AGMO: variants seen among roughly 807,000 people sequenced by gnomAD.
The protein encoded by AGMO is glyceryl-ether monooxygenase.
In AGMO, 75 loss-of-function variants were observed where a neutral mutation model predicts 60.2. The observed-to-expected ratio is 1.25, with a 90% CI of 1.03 to 1.51. AGMO has a LOEUF of 1.51. Among genes scored for constraint, AGMO ranks in the 40% most tolerant of loss-of-function variants. AGMO has a pLI of 0.00. For synonymous variants in AGMO, 261 were observed against 177.1 expected (o/e 1.47, Z -3.76); for missense variants, 763 against 525.5 (o/e 1.45, Z -4.42).
the AGMO span, among the ~76,000 whole-genome samples, chr7:15,159,855 A>AT: frequency 2.0e-5 from 3 of 152,160 alleles, no homozygotes; most frequent in Admixed American, 1.3e-4. Context: ...GGTCCTGCAT[A>AT]TTGTGTGGTC....
intron 12 of AGMO, among the ~76,000 whole-genome samples, chr7:15,287,504 T>G (rs1784132149): frequency 6.6e-6 from 1 of 152,212 alleles, no homozygotes; most frequent in African/African-American, 2.4e-5. Context: ...TGTTCTATTC[T>G]GAACAAAAGG....
In AGMO at chr7:15,546,303, C is replaced by T. The variant is rs570381408; in HGVS notation, c.258-1380G>A. ...CACAATTTTGAACAGGAGTACACAT[C>T]ACCACACATTAAAAAACTCAATCTC... On this transcript the variant is annotated intron_variant, in intron 2 of 12. Transcript: ENST00000342526. Among the ~76,000 whole-genome samples the T allele has an allele frequency of 3.2e-4, 49 of 152,236 alleles. No individual in the cohort carries two copies. The South Asian group carries it at 3.7e-3, about 12-fold the overall frequency.
At chr7:15,174,439 G>C in the AGMO span, among the ~76,000 whole-genome samples, 6 of 152,012 alleles carry the variant, frequency 3.9e-5, no homozygotes, top group South Asian at 1.2e-3. Flanking sequence ...TTTTAAGAAA[G>C]ATACTTTTCT....
intron 3 of AGMO, among the ~76,000 whole-genome samples, chr7:15,511,138 C>T (rs1168504294): frequency 1.3e-5 from 2 of 152,008 alleles, no homozygotes; most frequent in Non-Finnish European, 2.9e-5. Flanking sequence ...GTGGTTGGAG[C>T]TCATCCTGGC....
Position 15,354,314 on chromosome 7 carries a change from G to GTGTATACACA in AGMO, c.1263+11199_1263+11200insTGTGTATACA, listed in dbSNP as rs551527948. 2.5e-4 allele frequency among the ~76,000 whole-genome samples: 16 copies of GTGTATACACA among 64,768 alleles called. No homozygotes were observed. The South Asian group carries it at 4.7e-3, about 19-fold the overall frequency. 42.5% of individuals were successfully genotyped at this position (64,768 alleles called of 152,430 possible). A position where few individuals can be genotyped will look rare whatever the true frequency, so the allele number is the denominator to read the frequency against. On this transcript the variant is annotated intron_variant, in intron 12 of 12. Transcript: ENST00000342526. The stretch of plus-strand genomic sequence containing the variant: ...GATAAATATATATACGTGTATACAC[G>GTGTATACACA]CGTGTATATACGTACGCGTGTATAT...
At chr7:15,361,825 C>A (rs555542381) in intron 12 of AGMO, among the ~76,000 whole-genome samples, 1 of 152,172 alleles carries the variant, frequency 6.6e-6, no homozygotes, top group Non-Finnish European at 1.5e-5. Flanking sequence ...AAGACTATTA[C>A]CATGCAGACT....
At chr7:15,489,453 T>C (rs1783011327) in intron 3 of AGMO, among the ~76,000 whole-genome samples, 2 of 152,184 alleles carry the variant, frequency 1.3e-5, no homozygotes, top group East Asian at 1.9e-4. Context: ...AATCTTCACA[T>C]GTACAGTACA....
chr7:15,391,205 G>C (rs1483916828), intron 6 of AGMO, among the ~76,000 whole-genome samples: 1 of 151,832 alleles, frequency 6.6e-6, no homozygotes, highest in Non-Finnish European at 1.5e-5. Flanking sequence ...GACCATTAAA[G>C]AATAAAAATT....
chr7:15,318,332 G>T (rs1326393607), intron 12 of AGMO, among the ~76,000 whole-genome samples: 1 of 151,920 alleles, frequency 6.6e-6, no homozygotes, highest in Non-Finnish European at 1.5e-5. Context: ...TGAAGTCTTG[G>T]CATTATTCTT....
Position 15,561,830 on chromosome 7 carries a change from CT to C in AGMO, c.15del (p.Ala6ProfsTer18). The C allele has an allele frequency of 6.2e-7, 1 of 1,603,310 alleles. No homozygotes were observed. Among genetic ancestry groups the C allele is most frequent in the South Asian group, 1.1e-5 (1 of 89,674 alleles). On this transcript the variant is annotated frameshift_variant, in exon 1 of 13. Transcript: ENST00000342526. LOFTEE classifies it high-confidence loss of function. The part of the protein sequence containing the change: MKNP[E>X]AQQDVSVSQG... Reference sequence around the variant, plus strand: ...TGGGAAACTGAAACATCCTGCTGGGCTTCTGGGTTCTTCATTTCTGCCCTTG... The same window carrying C: ...TGGGAAACTGAAACATCCTGCTGGGCTCTGGGTTCTTCATTTCTGCCCTTG...
intron 3 of AGMO, among the ~76,000 whole-genome samples, chr7:15,524,075 T>C (rs1784064876): frequency 6.6e-6 from 1 of 152,050 alleles, no homozygotes; most frequent in Non-Finnish European, 1.5e-5. Context: ...TATTTGTATA[T>C]GACATAGCAA....
chr7:15,496,256 T>A (rs1783229690), intron 3 of AGMO, among the ~76,000 whole-genome samples: 1 of 152,136 alleles, frequency 6.6e-6, no homozygotes, highest in South Asian at 2.1e-4. Context: ...AAAACTAAGA[T>A]GTGCCTGATC....
intron 2 of AGMO, among the ~76,000 whole-genome samples, chr7:15,551,634 G>T (rs1784963660): frequency 1.3e-5 from 2 of 150,872 alleles, no homozygotes; most frequent in African/African-American, 4.9e-5. Flanking sequence ...CCTCTTCAAG[G>T]AGAACTACAA....
chr7:15,443,136 C>G (rs1781605710), intron 3 of AGMO, among the ~76,000 whole-genome samples: 1 of 152,206 alleles, frequency 6.6e-6, no homozygotes, highest in Non-Finnish European at 1.5e-5. Flanking sequence ...TTCTGGTACA[C>G]CAAGGCAGGA....
intron 2 of AGMO, among the ~76,000 whole-genome samples, chr7:15,559,112 A>G (rs147762929): frequency 6.6e-6 from 1 of 152,262 alleles, no homozygotes; most frequent in East Asian, 1.9e-4. Flanking sequence ...AAAAAATAGT[A>G]GGTCATTTAT....
chr7:15,473,813 A>T (rs1225003984), intron 3 of AGMO, among the ~76,000 whole-genome samples: 1 of 152,026 alleles, frequency 6.6e-6, no homozygotes, highest in East Asian at 1.9e-4. Flanking sequence ...AAACCCTATC[A>T]TTTCAGCCTA....
chr7:15,259,307 C>T (rs999229892), intron 12 of AGMO, among the ~76,000 whole-genome samples: 1 of 151,616 alleles, frequency 6.6e-6, no homozygotes, highest in African/African-American at 2.4e-5. Context: ...GAAGAAAGAA[C>T]CATAGAGCTT....
At position 15,526,933 on chromosome 7, in the gene AGMO, G is replaced by A. The variant is rs371619126; in HGVS notation, c.409+17839C>T. Reference sequence around the variant, plus strand: ...CAGTTACTATTACAATTGTTTTAGGGGTCTCTCTATGTTGCCATTAAGTTA... The same window carrying A: ...CAGTTACTATTACAATTGTTTTAGGAGTCTCTCTATGTTGCCATTAAGTTA... On this transcript the variant is annotated intron_variant, in intron 3 of 12. Transcript: ENST00000342526. 7.2e-5 allele frequency among the ~76,000 whole-genome samples: 11 copies of A among 151,996 alleles called. 1 individual carries two copies. The South Asian group carries it at 2.3e-3, about 32-fold the overall frequency.
intron 12 of AGMO, among the ~76,000 whole-genome samples, chr7:15,265,037 C>A (rs1488887880): frequency 1.3e-5 from 2 of 151,984 alleles, no homozygotes; most frequent in Non-Finnish European, 2.9e-5. Context: ...AACCTATGTG[C>A]CCATCAATAG....
Sources: gnomAD v4.1 joint callset for allele counts (sites outside exome capture counted in the v4.1 genomes callset) on GRCh38, gnomAD v4.1.1 for gene constraint, MANE v1.5 for transcripts, NCBI Gene and HGNC (gene_info 2026-07-23, HGNC 2026-07-21) for gene names.